The following DAB1 variants were observed in gnomAD, a reference collection of about 807,000 sequenced individuals.
DAB1 encodes DAB adaptor protein 1, also known as disabled homolog 1.
Under a neutral mutation model 64.6 loss-of-function variants are expected in DAB1, and 15 were observed. That is an observed-to-expected ratio of 0.23 (90% confidence interval 0.16 to 0.36). The LOEUF is 0.36. Ranked by LOEUF, DAB1 falls within the 10% of genes least tolerant of loss-of-function variation. The pLI is 1.00. For synonymous variants in DAB1, 235 were observed against 251.9 expected (o/e 0.93, Z 0.64); for missense variants, 596 against 706.7 (o/e 0.84, Z 1.78).
chr1:57,418,299 CAAAG>C (rs964291840), intron 1 of DAB1, among the ~76,000 whole-genome samples: 3 of 151,970 alleles, frequency 2.0e-5, no homozygotes, highest in Non-Finnish European at 4.4e-5. Flanking sequence ...TGAATAAAAA[CAAAG>C]AGACATAAAG....
chr1:57,738,481 C>A (rs529112686), intron 6 of DAB1, among the ~76,000 whole-genome samples: 18 of 152,240 alleles, frequency 1.2e-4, no homozygotes, highest in African/African-American at 4.1e-4. Flanking sequence ...ATCTCTCCCC[C>A]ACCCACAACC....
At chr1:58,436,485 G>T (rs1221474198) in intron 3 of DAB1, among the ~76,000 whole-genome samples, 2 of 152,160 alleles carry the variant, frequency 1.3e-5, no homozygotes, top group East Asian at 3.9e-4. Context: ...TTAGTGCATT[G>T]AATCTCTTAG....
intron 5 of DAB1, among the ~76,000 whole-genome samples, chr1:57,928,429 A>G (rs932241943): frequency 1.3e-5 from 2 of 152,148 alleles, no homozygotes; most frequent in African/African-American, 2.4e-5. Flanking sequence ...ATTTGTTACA[A>G]TTCATGAACC....
chr1:57,057,818 C>T (rs1285459925), intron 9 of DAB1, among the ~76,000 whole-genome samples: 6 of 151,912 alleles, frequency 3.9e-5, no homozygotes, highest in South Asian at 2.1e-4. Flanking sequence ...CTGTATTAGC[C>T]AGGATGGTCT....
At chr1:57,298,669 C>T (rs1313903299) in intron 1 of DAB1, among the ~76,000 whole-genome samples, 2 of 151,848 alleles carry the variant, frequency 1.3e-5, no homozygotes, top group African/African-American at 2.4e-5. Flanking sequence ...AGGCAACTTA[C>T]CAAAAGCCTT....
chr1:58,228,731 G>A, intron 4 of DAB1: 5 of 1,109,876 alleles, frequency 4.5e-6, no homozygotes, highest in Non-Finnish European at 6.6e-6. Context: ...TCTGGAAACT[G>A]AGCCACATCA....
At chr1:58,010,324 C>A (rs1416869047) in intron 5 of DAB1, among the ~76,000 whole-genome samples, 1 of 152,146 alleles carries the variant, frequency 6.6e-6, no homozygotes, top group Non-Finnish European at 1.5e-5. Context: ...TTTGCCTTCA[C>A]TCAAGAAAAA....
At chr1:57,020,333 C>G (rs1281789994) in intron 11 of DAB1, among the ~76,000 whole-genome samples, 1 of 152,210 alleles carries the variant, frequency 6.6e-6, no homozygotes, top group Non-Finnish European at 1.5e-5. Context: ...GATGGAAGCA[C>G]TGCCAGGAAC....
chr1:58,398,421 G>A (rs12038113), intron 3 of DAB1, among the ~76,000 whole-genome samples: 29,447 of 152,168 alleles, frequency 0.19, 3,017 homozygotes, highest in East Asian at 0.33. Flanking sequence ...CGTTAGAGAC[G>A]GAAGGGAGGC....
At chr1:57,575,389 C>T (rs568416477) in intron 7 of DAB1, among the ~76,000 whole-genome samples, 5 of 152,224 alleles carry the variant, frequency 3.3e-5, no homozygotes, top group African/African-American at 9.6e-5. Context: ...AAAAGCCCTG[C>T]GATGTGGGCT....
At chr1:57,513,240 G>A (rs1285445603) in intron 7 of DAB1, among the ~76,000 whole-genome samples, 1 of 151,708 alleles carries the variant, frequency 6.6e-6, no homozygotes, top group East Asian at 1.9e-4. Flanking sequence ...AGCAGCCTCT[G>A]CCCTAGACCT....
At chr1:57,762,288 A>G (rs1465903028) in intron 6 of DAB1, among the ~76,000 whole-genome samples, 1 of 101,174 alleles carries the variant, frequency 9.9e-6, no homozygotes, top group Admixed American at 1.1e-4. Context: ...TACTGGTAAA[A>G]GCTTGTGTGT....
In DAB1 at chr1:58,059,452, A is replaced by C. The variant is rs77127352; in HGVS notation, n.387+91059T>G. Among the ~76,000 whole-genome samples the C allele has an allele frequency of 5.5e-3, 841 of 152,344 alleles. 6 individuals are homozygous for C. The highest frequency in any genetic ancestry group is 0.019 in the African/African-American group (803 of 41,580). ...GACACACAGTAACAACTCAATAAAC[A>C]TGCTAGGTAATTCTGTTATTAGTGT... is the stretch of plus-strand genomic sequence containing the variant. On this transcript the variant is annotated intron_variant and non_coding_transcript_variant, in intron 5 of 20. Coordinates refer to the DAB1 transcript ENST00000485760.
intron 4 of DAB1, among the ~76,000 whole-genome samples, chr1:57,076,022 C>G (rs1363201885): frequency 6.6e-6 from 1 of 152,136 alleles, no homozygotes; most frequent in Non-Finnish European, 1.5e-5. Flanking sequence ...GGGGTAAAGG[C>G]TGGCCACTGG....
At chr1:57,368,195 C>G (rs550053413) in intron 1 of DAB1, among the ~76,000 whole-genome samples, 2 of 152,304 alleles carry the variant, frequency 1.3e-5, no homozygotes, top group South Asian at 4.1e-4. Flanking sequence ...AAGAGGGAAG[C>G]CGAAATGGGG....
chr1:58,541,178 C>T (rs949790753), intron 1 of DAB1, among the ~76,000 whole-genome samples: 4 of 151,436 alleles, frequency 2.6e-5, no homozygotes, highest in African/African-American at 9.7e-5. Flanking sequence ...CCTGTAATCC[C>T]AGCTACTCAG....
At chr1:58,446,659 G>A (rs989202744) in intron 3 of DAB1, among the ~76,000 whole-genome samples, 3 of 152,102 alleles carry the variant, frequency 2.0e-5, no homozygotes, top group African/African-American at 7.2e-5. Context: ...AGAAATGCTG[G>A]ACTAGATAAC....
chr1:58,098,932 A>G (rs1651149891), intron 5 of DAB1, among the ~76,000 whole-genome samples: 1 of 152,214 alleles, frequency 6.6e-6, no homozygotes, highest in South Asian at 2.1e-4. Context: ...AAAATAATGC[A>G]GAAGTCCAGG....
chr1:58,126,247 C>A (rs1653072410), intron 5 of DAB1, among the ~76,000 whole-genome samples: 1 of 152,074 alleles, frequency 6.6e-6, no homozygotes, highest in Non-Finnish European at 1.5e-5. Context: ...GTTGGGGTAA[C>A]AGGAAACGAA....
Sources: gnomAD v4.1 joint callset for allele counts (sites outside exome capture counted in the v4.1 genomes callset) on GRCh38, gnomAD v4.1.1 for gene constraint, MANE v1.5 for transcripts, NCBI Gene and HGNC (gene_info 2026-07-23, HGNC 2026-07-21) for gene names.